PROS1: variants seen among roughly 807,000 people sequenced by gnomAD.
PROS1 encodes vitamin K-dependent protein S.
Under a neutral mutation model 75.9 loss-of-function variants are expected in PROS1, and 29 were observed. The ratio of observed to expected loss-of-function variants is 0.38; its 90% confidence interval spans 0.28 to 0.52. The LOEUF (loss-of-function observed/expected upper bound fraction) is 0.52. Among genes scored for constraint, PROS1 ranks in the 20% least tolerant of loss-of-function variants. The pLI, the probability that PROS1 is intolerant of heterozygous loss-of-function variation, is 0.83. For missense variants in PROS1, 680 were observed against 810.3 expected (o/e 0.84, Z 1.95); for synonymous variants, 245 against 280.6 (o/e 0.87, Z 1.27).
At chr3:93,880,834 A>G (rs1013973073) in intron 12 of PROS1, among the ~76,000 whole-genome samples, 2 of 152,172 alleles carry the variant, frequency 1.3e-5, no homozygotes, top group African/African-American at 2.4e-5. Context: ...TTTAGATACA[A>G]TATAACTCTT....
At chr3:93,909,312 A>G (rs1019188519) in intron 4 of PROS1, among the ~76,000 whole-genome samples, 1 of 151,558 alleles carries the variant, frequency 6.6e-6, no homozygotes. Flanking sequence ...ATATGTGCCT[A>G]TAGTTCCAGC....
intron 1 of PROS1, among the ~76,000 whole-genome samples, chr3:93,972,343 T>C (rs1559955702): frequency 6.6e-6 from 1 of 152,216 alleles, no homozygotes; most frequent in South Asian, 2.1e-4. Flanking sequence ...AATGTTTTAG[T>C]CCCAAGTTAG....
At chr3:93,956,019 T>C (rs561023095) in intron 1 of PROS1, among the ~76,000 whole-genome samples, 1 of 152,302 alleles carries the variant, frequency 6.6e-6, no homozygotes, top group East Asian at 1.9e-4. Flanking sequence ...ATGGTTTTGC[T>C]TTAATGTAAA....
At chr3:93,967,908 A>C (rs1709815061) in intron 1 of PROS1, 1 of 152,194 alleles carries the variant, frequency 6.6e-6, no homozygotes, top group African/African-American at 2.4e-5. Flanking sequence ...TAAATAAATA[A>C]ATAAATAAAA....
At chr3:93,942,054 C>A (rs535691282) in intron 1 of PROS1, among the ~76,000 whole-genome samples, 1 of 152,202 alleles carries the variant, frequency 6.6e-6, no homozygotes, top group South Asian at 2.1e-4. Flanking sequence ...ACATTCATTC[C>A]ATTTCCCCAT....
intron 12 of PROS1, among the ~76,000 whole-genome samples, chr3:93,879,571 A>G (rs931691482): frequency 3.3e-5 from 5 of 152,154 alleles, no homozygotes; most frequent in African/African-American, 7.2e-5. Flanking sequence ...AAGGATTATC[A>G]TGGATTTTCC....
intron 1 of PROS1, among the ~76,000 whole-genome samples, chr3:93,948,180 G>A (rs536701559): frequency 6.6e-6 from 1 of 151,764 alleles, no homozygotes; most frequent in Admixed American, 6.6e-5. Context: ...AAACAAGAAT[G>A]ACCCAAAAGA....
At chr3:93,928,938 G>T (rs1709066494) in intron 1 of PROS1, 4 of 302,860 alleles carry the variant, frequency 1.3e-5, no homozygotes, top group Non-Finnish European at 2.7e-5. Flanking sequence ...TTAAAAGAAT[G>T]ATAATATCAA....
Position 93,973,828 on chromosome 3 carries a change from G to C in PROS1, c.-79C>G. 1 of 1,269,160 alleles carries C rather than the reference G, an allele frequency of 7.9e-7. No homozygotes were observed. The allele number at this position is 1,269,160 out of a possible 1,614,324, so 78.6% of individuals were successfully genotyped here. Reference sequence around the variant, plus strand: ...GGAGCGCTAGGCGCCGCGGAGCTGCGAGCCTGTGCGCCTCGGTCTGAGCCG... The same window carrying C: ...GGAGCGCTAGGCGCCGCGGAGCTGCCAGCCTGTGCGCCTCGGTCTGAGCCG... On this transcript the variant is annotated 5_prime_UTR_variant, in exon 1 of 15. Transcript: ENST00000394236.
chr3:93,959,482 C>A (rs1254211773), intron 1 of PROS1, among the ~76,000 whole-genome samples: 1 of 152,192 alleles, frequency 6.6e-6, no homozygotes, highest in African/African-American at 2.4e-5. Flanking sequence ...TCTCCCTTCT[C>A]TGACATTTCC....
intron 1 of PROS1, among the ~76,000 whole-genome samples, chr3:93,939,654 T>C (rs1359574800): frequency 1.3e-5 from 2 of 152,166 alleles, no homozygotes; most frequent in African/African-American, 4.8e-5. Context: ...TTTCTTTATC[T>C]GACCTCTCCC....
intron 8 of PROS1, among the ~76,000 whole-genome samples, chr3:93,898,221 A>G (rs939913765): frequency 2.6e-5 from 4 of 152,098 alleles, no homozygotes; most frequent in African/African-American, 7.2e-5. Flanking sequence ...AGTACTCTCT[A>G]AACTGTGACT....
chr3:93,972,337 T>C (rs1439565989), intron 1 of PROS1, among the ~76,000 whole-genome samples: 1 of 152,214 alleles, frequency 6.6e-6, no homozygotes, highest in Non-Finnish European at 1.5e-5. Context: ...AAAAATAATG[T>C]TTTAGTCCCA....
At chr3:93,884,518 TAAC>T (rs1257230052) in intron 12 of PROS1, among the ~76,000 whole-genome samples, 2 of 152,164 alleles carry the variant, frequency 1.3e-5, no homozygotes, top group Non-Finnish European at 1.5e-5. Context: ...AAACCTGAAA[TAAC>T]AACACAAGCA....
At chr3:93,902,117 A>T (rs865849995) in intron 6 of PROS1, among the ~76,000 whole-genome samples, 1 of 151,876 alleles carries the variant, frequency 6.6e-6, no homozygotes, top group Non-Finnish European at 1.5e-5. Flanking sequence ...GTGGAACCCC[A>T]CTTCTACATA....
chr3:93,887,044 G>A (rs971951229), intron 10 of PROS1, among the ~76,000 whole-genome samples: 11 of 150,010 alleles, frequency 7.3e-5, no homozygotes, highest in African/African-American at 2.4e-4. Context: ...TCAGCCTCCC[G>A]AGTAGCTGGG....
At chr3:93,969,102 T>G (rs1433392425) in intron 1 of PROS1, among the ~76,000 whole-genome samples, 2 of 151,868 alleles carry the variant, frequency 1.3e-5, no homozygotes, top group Non-Finnish European at 2.9e-5. Flanking sequence ...GCCTGTTTTT[T>G]TTGTTTTTGC....
At chr3:93,927,476 A>T (rs1709037084) in intron 1 of PROS1, 69 bp from the exon 2 acceptor site, 1 of 1,484,696 alleles carries the variant, frequency 6.7e-7, no homozygotes, top group Non-Finnish European at 9.2e-7. Flanking sequence ...TTATTAAACA[A>T]TAAGAGTTAA....
intron 1 of PROS1, chr3:93,928,646 T>C (rs1238135279): frequency 3.0e-5 from 21 of 698,182 alleles, no homozygotes; most frequent in Non-Finnish European, 6.4e-6. Context: ...ACAGCAACAA[T>C]AAAAATAACA....
Sources: allele counts gnomAD v4.1 joint callset (sites outside exome capture counted in the v4.1 genomes callset), GRCh38; gene constraint gnomAD v4.1.1; transcripts MANE v1.5; gene names NCBI Gene and HGNC (gene_info 2026-07-23, HGNC 2026-07-21).